MAGI2: variants seen among roughly 807,000 people sequenced by gnomAD.
The protein encoded by MAGI2 is membrane-associated guanylate kinase, WW and PDZ domain-containing protein 2.
In MAGI2, 35 loss-of-function variants were observed where a neutral mutation model predicts 133.3. That is an observed-to-expected ratio of 0.26 (90% CI 0.20 to 0.35). MAGI2 has a LOEUF of 0.35. Ranked by LOEUF, MAGI2 falls within the 10% of genes least tolerant of loss-of-function variation. MAGI2 has a pLI of 1.00. For synonymous variants in MAGI2, 729 were observed against 710.6 expected (o/e 1.03, Z -0.41); for missense variants, 1,636 against 1,863.4 (o/e 0.88, Z 2.25).
At position 79,214,498 on chromosome 7, in the gene MAGI2, A is replaced by G. The variant is rs530196763; in HGVS notation, c.302-207292T>C. Among the ~76,000 whole-genome samples the G allele has an allele frequency of 6.6e-4, 90 of 136,796 alleles. 2 individuals are homozygous for G. Among genetic ancestry groups the G allele is most frequent in the African/African-American group, 2.3e-3 (86 of 36,994 alleles). 89.7% of individuals were successfully genotyped at this position (136,796 alleles called of 152,430 possible). A position where few individuals can be genotyped will look rare whatever the true frequency, so the allele number is the denominator to read the frequency against. Reference sequence around the variant, plus strand: ...ACATATATATGTATATATATGGGAGATAAAAGATAAAAGTCATACAGTACA... The same window carrying G: ...ACATATATATGTATATATATGGGAGGTAAAAGATAAAAGTCATACAGTACA... On this transcript the variant is annotated intron_variant, in intron 1 of 21. Coordinates refer to ENST00000354212, the MANE Select transcript of MAGI2 (RefSeq NM_012301.4).
intron 21 of MAGI2, among the ~76,000 whole-genome samples, chr7:78,062,361 C>T (rs766225311): frequency 5.9e-4 from 89 of 152,134 alleles, no homozygotes; most frequent in Non-Finnish European, 1.1e-3. Flanking sequence ...AAGGCCACTT[C>T]CCACCCACAA....
At chr7:78,684,763 T>G (rs1383499404) in intron 2 of MAGI2, among the ~76,000 whole-genome samples, 1 of 152,048 alleles carries the variant, frequency 6.6e-6, no homozygotes, top group African/African-American at 2.4e-5. Flanking sequence ...CCCTAAAACT[T>G]TAAAGATGTA....
intron 2 of MAGI2, among the ~76,000 whole-genome samples, chr7:78,940,284 T>C (rs1032014238): frequency 6.6e-6 from 1 of 152,146 alleles, no homozygotes; most frequent in Non-Finnish European, 1.5e-5. Context: ...ATGGTTGACA[T>C]TGGAATTCAA....
At chr7:79,007,338 C>T in intron 1 of MAGI2, 132 bp from the exon 2 acceptor site, 1 of 575,314 alleles carries the variant, frequency 1.7e-6, no homozygotes, top group Non-Finnish European at 3.1e-6. Flanking sequence ...TTGATCTTCT[C>T]AAACATTTAC....
intron 2 of MAGI2, among the ~76,000 whole-genome samples, chr7:78,678,796 T>G (rs1241978632): frequency 6.6e-6 from 1 of 152,142 alleles, no homozygotes; most frequent in African/African-American, 2.4e-5. Flanking sequence ...CAAATGACTA[T>G]AGAAATAAGA....
At chr7:78,503,590 TCCC>T (rs1464263377) in intron 4 of MAGI2, among the ~76,000 whole-genome samples, 1 of 25,078 alleles carries the variant, frequency 4.0e-5, no homozygotes, top group Non-Finnish European at 7.9e-5. Flanking sequence ...CTCCTCCTCC[TCCC>T]CCTCCTCCTT....
At chr7:78,611,965 C>A (rs981687610) in intron 3 of MAGI2, among the ~76,000 whole-genome samples, 1 of 152,194 alleles carries the variant, frequency 6.6e-6, no homozygotes, top group South Asian at 2.1e-4. Context: ...GCTTCTCATC[C>A]TTCTGTCTTG....
chr7:78,521,579 T>C lies in MAGI2; in HGVS notation c.605A>G (p.Gln202Arg), dbSNP rs375107378. ...PAPLLLNVTD[Q>R]ILPGATPSAE... is the part of the protein sequence containing the mutation. ...ACTTGGAGTGGCTCCTGGAAGTATC[T>C]GGTCTGTTACATTTAACAATAATGG... The change falls in exon 4 of 22, where the codon CAG becomes CGG. Residue 202 changes from glutamine to arginine, a missense_variant. Transcript: ENST00000354212. The C allele has an allele frequency of 7.4e-6, 12 of 1,614,150 alleles. No homozygotes were observed. In the African/African-American group the frequency reaches 1.5e-4, roughly 20 times the overall value.
At chr7:78,828,097 C>G (rs186545662) in intron 2 of MAGI2, among the ~76,000 whole-genome samples, 1 of 152,158 alleles carries the variant, frequency 6.6e-6, no homozygotes, top group Non-Finnish European at 1.5e-5. Context: ...GTTGGCCAGG[C>G]TGGTCTGGAA....
At chr7:78,960,382 G>T (rs1393420779) in intron 2 of MAGI2, among the ~76,000 whole-genome samples, 2 of 152,086 alleles carry the variant, frequency 1.3e-5, no homozygotes, top group Admixed American at 1.3e-4. Context: ...CTCAGGTTAG[G>T]AGTTGAAGGG....
intron 1 of MAGI2, among the ~76,000 whole-genome samples, chr7:79,074,705 T>C (rs1324658912): frequency 6.6e-6 from 1 of 152,210 alleles, no homozygotes; most frequent in Non-Finnish European, 1.5e-5. Flanking sequence ...TGCTCTTACA[T>C]ACATTACACA....
At chr7:78,028,443 G>A (rs577910132) in intron 21 of MAGI2, among the ~76,000 whole-genome samples, 1 of 152,344 alleles carries the variant, frequency 6.6e-6, no homozygotes, top group Admixed American at 6.5e-5. Flanking sequence ...CTCATGGATA[G>A]GTGGGGCTGT....
intron 1 of MAGI2, among the ~76,000 whole-genome samples, chr7:79,178,361 G>A (rs564708596): frequency 1.3e-5 from 2 of 152,080 alleles, no homozygotes; most frequent in South Asian, 4.2e-4. Flanking sequence ...AGTTATGATA[G>A]ATATTCGATA....
At chr7:78,571,540 G>A (rs1373896323) in intron 3 of MAGI2, among the ~76,000 whole-genome samples, 1 of 152,148 alleles carries the variant, frequency 6.6e-6, no homozygotes, top group Non-Finnish European at 1.5e-5. Flanking sequence ...TATCTGCAAA[G>A]TACTTTCAGT....
intron 1 of MAGI2, among the ~76,000 whole-genome samples, chr7:79,400,061 G>A (rs10261439): frequency 0.2 from 30,926 of 152,020 alleles, 3,295 homozygotes; most frequent in Middle Eastern, 0.25. Context: ...CATGAACCAC[G>A]TTGCTTTATC....
At chr7:78,120,054 T>C (rs1395874391) in intron 20 of MAGI2, among the ~76,000 whole-genome samples, 1 of 152,226 alleles carries the variant, frequency 6.6e-6, no homozygotes, top group Non-Finnish European at 1.5e-5. Context: ...AATTTTTCCA[T>C]ATTTATACAT....
At chr7:79,235,604 C>A (rs905565481) in intron 1 of MAGI2, among the ~76,000 whole-genome samples, 1 of 152,166 alleles carries the variant, frequency 6.6e-6, no homozygotes, top group African/African-American at 2.4e-5. Context: ...GGGAACTCCC[C>A]GACCCCTTGC....
chr7:78,367,673 A>C (rs1303473008), intron 7 of MAGI2, among the ~76,000 whole-genome samples: 2 of 152,158 alleles, frequency 1.3e-5, no homozygotes, highest in African/African-American at 2.4e-5. Flanking sequence ...TAAAGATAAG[A>C]TGTGATATGC....
At chr7:79,071,799 G>C (rs1351805190) in intron 1 of MAGI2, among the ~76,000 whole-genome samples, 1 of 152,060 alleles carries the variant, frequency 6.6e-6, no homozygotes, top group Non-Finnish European at 1.5e-5. Flanking sequence ...AGCAATGGCA[G>C]ACACCCCTCC....
Sources: allele counts gnomAD v4.1 joint callset (sites outside exome capture counted in the v4.1 genomes callset), GRCh38; gene constraint gnomAD v4.1.1; transcripts MANE v1.5; gene names NCBI Gene and HGNC (gene_info 2026-07-23, HGNC 2026-07-21).